OTUD7A: variants seen among roughly 807,000 people sequenced by gnomAD.
The protein encoded by OTUD7A is OTU domain-containing protein 7A.
OTUD7A carries 12 observed loss-of-function variants against 65.7 expected under a neutral mutation model. The observed-to-expected ratio is 0.18, with a 90% CI of 0.12 to 0.30. OTUD7A has a LOEUF of 0.30. Among genes scored for constraint, OTUD7A ranks in the 10% least tolerant of loss-of-function variants. The pLI is 1.00. For synonymous variants in OTUD7A, 641 were observed against 586.3 expected (o/e 1.09, Z -1.35); for missense variants, 1,148 against 1,304.8 (o/e 0.88, Z 1.85).
intron 5 of OTUD7A, among the ~76,000 whole-genome samples, chr15:31,535,600 A>G (rs1887767910): frequency 6.6e-6 from 1 of 151,988 alleles, no homozygotes; most frequent in Non-Finnish European, 1.5e-5. Context: ...TCTCAATAAA[A>G]CTAGTTGCTA....
At chr15:31,791,571 T>C (rs1052683084) in intron 1 of OTUD7A, among the ~76,000 whole-genome samples, 3 of 152,172 alleles carry the variant, frequency 2.0e-5, no homozygotes, top group Non-Finnish European at 4.4e-5. Flanking sequence ...AGACACATGA[T>C]GGATGAGTAA....
intron 1 of OTUD7A, among the ~76,000 whole-genome samples, chr15:31,744,044 C>T (rs957309198): frequency 1.3e-5 from 2 of 152,088 alleles, no homozygotes; most frequent in Non-Finnish European, 2.9e-5. Flanking sequence ...ACACAACTTA[C>T]TAAATGTGAC....
chr15:31,569,937 TCTTTGTA>T, intron 4 of OTUD7A, 74 bp downstream of exon 4: 1 of 1,507,356 alleles, frequency 6.6e-7, no homozygotes, highest in South Asian at 1.2e-5. Flanking sequence ...ACCCCACCAT[TCTTTGTA>T]CCACGCAACC....
chr15:31,831,956 C>A (rs539828684), intron 1 of OTUD7A, among the ~76,000 whole-genome samples: 2 of 151,982 alleles, frequency 1.3e-5, no homozygotes, highest in African/African-American at 2.4e-5. Flanking sequence ...GGTTGCCTGG[C>A]GGAAGGGCTG....
At chr15:31,717,324 G>A (rs1893617296) in intron 1 of OTUD7A, among the ~76,000 whole-genome samples, 1 of 152,032 alleles carries the variant, frequency 6.6e-6, no homozygotes, top group African/African-American at 2.4e-5. Flanking sequence ...ATGTGCCATG[G>A]TGGTTTGCTG....
intron 3 of OTUD7A, among the ~76,000 whole-genome samples, chr15:31,622,867 GCT>G (rs1462467786): frequency 6.6e-6 from 1 of 152,124 alleles, no homozygotes; most frequent in Non-Finnish European, 1.5e-5. Flanking sequence ...CAGTTTTTCT[GCT>G]CTGTTTTTTC....
At chr15:31,546,960 T>C (rs916293555) in intron 5 of OTUD7A, among the ~76,000 whole-genome samples, 3 of 151,134 alleles carry the variant, frequency 2.0e-5, no homozygotes, top group East Asian at 1.9e-4. Flanking sequence ...GTGAGTTTCT[T>C]GTCTGAGTCC....
intron 1 of OTUD7A, among the ~76,000 whole-genome samples, chr15:31,762,431 C>T (rs1040447235): frequency 6.6e-6 from 1 of 152,206 alleles, no homozygotes; most frequent in African/African-American, 2.4e-5. Flanking sequence ...GATCAAAGGA[C>T]ACTGAAAGGA....
chr15:31,616,647 C>A (rs558498565), intron 3 of OTUD7A, among the ~76,000 whole-genome samples: 7 of 152,288 alleles, frequency 4.6e-5, no homozygotes, highest in South Asian at 4.1e-4. Flanking sequence ...CAGGCTCAAG[C>A]GATTCTCCTG....
chr15:31,726,349 A>G (rs568403581), intron 1 of OTUD7A, among the ~76,000 whole-genome samples: 516 of 21,412 alleles, frequency 0.024, 4 homozygotes, highest in African/African-American at 0.05. Flanking sequence ...ACACACACGC[A>G]CACACACACA....
At chr15:31,526,768 C>T (rs2042020639) in intron 7 of OTUD7A, among the ~76,000 whole-genome samples, 1 of 152,172 alleles carries the variant, frequency 6.6e-6, no homozygotes, top group Admixed American at 6.6e-5. Context: ...TCAGATTCTT[C>T]TAGGAGAGCA....
chr15:31,581,415 G>C (rs1889366534), intron 3 of OTUD7A, among the ~76,000 whole-genome samples: 1 of 152,236 alleles, frequency 6.6e-6, no homozygotes. Context: ...TAGGGACTCT[G>C]TGTAGGGGCT....
chr15:31,777,791 C>G (rs532448240), intron 1 of OTUD7A, among the ~76,000 whole-genome samples: 184 of 152,248 alleles, frequency 1.2e-3, no homozygotes, highest in African/African-American at 4.4e-3. Context: ...GGGGGCAGCC[C>G]ACAAACTCTG....
chr15:31,752,108 A>C (rs1365087996), intron 1 of OTUD7A, among the ~76,000 whole-genome samples: 2 of 152,200 alleles, frequency 1.3e-5, no homozygotes, highest in Non-Finnish European at 2.9e-5. Context: ...AAAACACTGA[A>C]TATGAAAGAA....
intron 3 of OTUD7A, 115 bp from the exon 4 acceptor site, chr15:31,570,312 TA>T: frequency 2.5e-6 from 3 of 1,207,688 alleles, no homozygotes; most frequent in Non-Finnish European, 3.5e-6. Context: ...AATGAATTTT[TA>T]CCAGTAGTTC....
intron 8 of OTUD7A, among the ~76,000 whole-genome samples, chr15:31,509,278 G>C (rs1435899748): frequency 1.3e-5 from 2 of 151,568 alleles, no homozygotes; most frequent in Non-Finnish European, 2.9e-5. Context: ...TTTTAAATTT[G>C]TTTAAACTTT....
At chr15:31,560,935 G>A (rs1164518662) in intron 4 of OTUD7A, among the ~76,000 whole-genome samples, 1 of 152,196 alleles carries the variant, frequency 6.6e-6, no homozygotes, top group Non-Finnish European at 1.5e-5. Context: ...GACAGAAATG[G>A]CATTCATGGA....
At chr15:31,700,968 C>T (rs1436576064) in intron 1 of OTUD7A, among the ~76,000 whole-genome samples, 4 of 152,062 alleles carry the variant, frequency 2.6e-5, no homozygotes, top group Non-Finnish European at 5.9e-5. Context: ...GCACATCAGC[C>T]GTCTCCTTCC....
intron 1 of OTUD7A, among the ~76,000 whole-genome samples, chr15:31,859,712 G>C (rs1897671125): frequency 6.6e-6 from 1 of 152,204 alleles, no homozygotes; most frequent in Non-Finnish European, 1.5e-5. Context: ...TTTTATAAAA[G>C]TCCCAATGGG....
Sources: gnomAD v4.1 joint callset for allele counts (sites outside exome capture counted in the v4.1 genomes callset) on GRCh38, gnomAD v4.1.1 for gene constraint, MANE v1.5 for transcripts, NCBI Gene and HGNC (gene_info 2026-07-23, HGNC 2026-07-21) for gene names.